ULK4: variants seen among roughly 807,000 people sequenced by gnomAD.
ULK4 encodes inactive serine/threonine-protein kinase ULK4.
A neutral mutation model predicts 160.6 loss-of-function variants in ULK4; 133 were observed. The observed-to-expected ratio is 0.83, with a 90% CI of 0.72 to 0.96. ULK4 has a LOEUF of 0.96. Among genes scored for constraint, ULK4 ranks in the 40% least tolerant of loss-of-function variants. The probability of loss-of-function intolerance (pLI) is 0.00; values close to 1 mark genes in which losing one functional copy is unlikely to be tolerated. For missense variants in ULK4, 1,580 were observed against 1,499.5 expected (o/e 1.05, Z -0.89); for synonymous variants, 534 against 539.8 (o/e 0.99, Z 0.15).
At chr3:41,689,759 T>C (rs569313860) in intron 27 of ULK4, among the ~76,000 whole-genome samples, 7 of 152,216 alleles carry the variant, frequency 4.6e-5, no homozygotes, top group Non-Finnish European at 1.0e-4. Flanking sequence ...TCACACCAGT[T>C]AGAATGGTGA....
intron 31 of ULK4, among the ~76,000 whole-genome samples, chr3:41,604,340 T>C (rs2032264145): frequency 6.6e-6 from 1 of 152,090 alleles, no homozygotes; most frequent in Non-Finnish European, 1.5e-5. Flanking sequence ...AAAATAAAAG[T>C]ATACTGATGT....
intron 34 of ULK4, among the ~76,000 whole-genome samples, chr3:41,432,887 GT>G (rs202122195): frequency 0.03 from 4,526 of 149,106 alleles, 228 homozygotes; most frequent in African/African-American, 0.1. Flanking sequence ...TCAAATAAAC[GT>G]TTAAAAAAAA....
At chr3:41,750,943 TTAAG>T (rs1258864882) in intron 22 of ULK4, among the ~76,000 whole-genome samples, 1 of 145,638 alleles carries the variant, frequency 6.9e-6, no homozygotes, top group Non-Finnish European at 1.5e-5. Context: ...TGAGCTGAGA[TTAAG>T]TGAGACTCCA....
chr3:41,382,256 T>C (rs779994221), intron 35 of ULK4, among the ~76,000 whole-genome samples: 2 of 152,162 alleles, frequency 1.3e-5, no homozygotes, highest in Non-Finnish European at 2.9e-5. Flanking sequence ...GTCTGTCTTG[T>C]TCCCTGCTGT....
intron 32 of ULK4, among the ~76,000 whole-genome samples, chr3:41,506,767 A>AAAAAAAAAAAAAAAAATATATATATATAT: frequency 1.8e-5 from 1 of 56,766 alleles, no homozygotes; most frequent in African/African-American, 8.2e-5. Context: ...TGTGATTTAA[A>AAAAAAAAAAAAAAAAATATATATATATAT]ATATATATAT....
intron 35 of ULK4, among the ~76,000 whole-genome samples, chr3:41,271,450 G>A (rs2079136722): frequency 6.7e-6 from 1 of 149,014 alleles, no homozygotes; most frequent in African/African-American, 2.5e-5. Flanking sequence ...GGAGTACAGT[G>A]GTGTGATCTT....
At chr3:41,841,204 C>CACCTGGGAAGTGAGAA (rs2041914363) in intron 17 of ULK4, among the ~76,000 whole-genome samples, 1 of 147,048 alleles carries the variant, frequency 6.8e-6, no homozygotes. Flanking sequence ...CCGGCCGCCC[C>CACCTGGGAAGTGAGAA]GCCTGGGAGG....
chr3:41,678,011 G>T, intron 29 of ULK4, among the ~76,000 whole-genome samples: 2 of 152,110 alleles, frequency 1.3e-5, no homozygotes, highest in East Asian at 3.9e-4. Flanking sequence ...CCTTTGAACT[G>T]GAACAGAAAC....
At chr3:41,576,226 T>C (rs1442422707) in intron 31 of ULK4, among the ~76,000 whole-genome samples, 1 of 152,214 alleles carries the variant, frequency 6.6e-6, no homozygotes, top group Non-Finnish European at 1.5e-5. Flanking sequence ...AGCAAACTAA[T>C]GTCACTCTTA....
chr3:41,263,528 C>G (rs1422107470), intron 35 of ULK4, among the ~76,000 whole-genome samples: 1 of 152,172 alleles, frequency 6.6e-6, no homozygotes, highest in Non-Finnish European at 1.5e-5. Flanking sequence ...CTATCAGCCA[C>G]TAAACCACTC....
intron 22 of ULK4, among the ~76,000 whole-genome samples, chr3:41,749,175 C>T (rs1009124215): frequency 6.6e-6 from 1 of 152,206 alleles, no homozygotes; most frequent in African/African-American, 2.4e-5. Context: ...AGATATTCCA[C>T]ACTTTATTAT....
intron 32 of ULK4, among the ~76,000 whole-genome samples, chr3:41,520,682 C>T (rs1005184491): frequency 1.3e-5 from 2 of 152,134 alleles, no homozygotes; most frequent in Non-Finnish European, 2.9e-5. Context: ...ACCAGCAATG[C>T]GCAAGGATTC....
chr3:41,700,212 A>C (rs1401776078), intron 27 of ULK4, among the ~76,000 whole-genome samples: 1 of 152,196 alleles, frequency 6.6e-6, no homozygotes, highest in African/African-American at 2.4e-5. Context: ...CTTTCAGACT[A>C]GTTTCTGATG....
intron 30 of ULK4, among the ~76,000 whole-genome samples, chr3:41,626,452 T>G (rs138896974): frequency 6.6e-6 from 1 of 152,010 alleles, no homozygotes; most frequent in African/African-American, 2.4e-5. Context: ...TGTCACGAAA[T>G]GTGCTGTGAT....
At chr3:41,519,108 C>T (rs1426513500) in intron 32 of ULK4, among the ~76,000 whole-genome samples, 1 of 152,208 alleles carries the variant, frequency 6.6e-6, no homozygotes, top group Admixed American at 6.5e-5. Context: ...ATTCACAGTA[C>T]AGACCATTCA....
chr3:41,961,231 G>A (rs1448983034), intron 1 of ULK4, among the ~76,000 whole-genome samples: 1 of 152,166 alleles, frequency 6.6e-6, no homozygotes, highest in Non-Finnish European at 1.5e-5. Flanking sequence ...TGATAAGAGC[G>A]CACAGGTGCC....
chr3:41,862,796 C>G (rs548870378), intron 17 of ULK4, among the ~76,000 whole-genome samples: 3 of 151,130 alleles, frequency 2.0e-5, no homozygotes, highest in Non-Finnish European at 4.4e-5. Context: ...CGCTCCCCCC[C>G]CCCTTTCTCT....
chr3:41,631,872 C>A (rs1290080275), intron 30 of ULK4, among the ~76,000 whole-genome samples: 1 of 152,190 alleles, frequency 6.6e-6, no homozygotes. Context: ...CAGGGCTTTA[C>A]AGAAATTGTC....
intron 35 of ULK4, among the ~76,000 whole-genome samples, chr3:41,272,039 C>CCCA (rs1455422666): frequency 1.3e-5 from 2 of 152,176 alleles, no homozygotes; most frequent in Admixed American, 1.3e-4. Context: ...GCCTCAGCCT[C>CCCA]CGGAGTAGCT....
Sources: allele counts gnomAD v4.1 joint callset (sites outside exome capture counted in the v4.1 genomes callset), GRCh38; gene constraint gnomAD v4.1.1; transcripts MANE v1.5; gene names NCBI Gene and HGNC (gene_info 2026-07-23, HGNC 2026-07-21).